Variants in RNLS observed in about 807,000 individuals in gnomAD.
RNLS encodes renalase, FAD dependent amine oxidase.
RNLS carries 39 observed loss-of-function variants against 39.8 expected under a neutral mutation model. The ratio of observed to expected loss-of-function variants is 0.98; its 90% confidence interval spans 0.76 to 1.28. The LOEUF (loss-of-function observed/expected upper bound fraction) is 1.28, where lower values mean the gene tolerates loss of function less well. Among genes scored for constraint, RNLS ranks in the 50% most tolerant of loss-of-function variants. The pLI, the probability that RNLS is intolerant of heterozygous loss-of-function variation, is 0.00. For missense variants in RNLS, 410 were observed against 413.3 expected, an observed-to-expected ratio of 0.99 and a Z score of 0.07; for synonymous variants, 147 against 150.7, an observed-to-expected ratio of 0.98 and a Z score of 0.18.
the RNLS span, among the ~76,000 whole-genome samples, chr10:88,228,040 C>T: frequency 2.6e-5 from 4 of 152,096 alleles, no homozygotes; most frequent in African/African-American, 4.8e-5. Context: ...AGACTCACCT[C>T]GTGGCTTGTG....
At chr10:88,405,456 C>T (rs1163601930) in intron 4 of RNLS, among the ~76,000 whole-genome samples, 1 of 152,052 alleles carries the variant, frequency 6.6e-6, no homozygotes, top group East Asian at 1.9e-4. Flanking sequence ...TAATGTCCAT[C>T]TTTGTCTCTT....
At chr10:88,403,130 A>G (rs1283282547) in intron 4 of RNLS, among the ~76,000 whole-genome samples, 1 of 152,080 alleles carries the variant, frequency 6.6e-6, no homozygotes, top group African/African-American at 2.4e-5. Context: ...GGGCAAAAAT[A>G]ATCCCTGGTT....
At chr10:88,399,524 AAAGCAGACACAC>A (rs1852784851) in intron 4 of RNLS, among the ~76,000 whole-genome samples, 2 of 152,006 alleles carry the variant, frequency 1.3e-5, no homozygotes, top group South Asian at 4.1e-4. Flanking sequence ...TAAGTGAAAA[AAAGCAGACACAC>A]AAGTCCACAA....
chr10:88,311,450 G>C (rs1456485709), intron 6 of RNLS, among the ~76,000 whole-genome samples: 1 of 152,192 alleles, frequency 6.6e-6, no homozygotes, highest in African/African-American at 2.4e-5. Context: ...CTGCAAAAGG[G>C]AGGAACTGAG....
the RNLS span, among the ~76,000 whole-genome samples, chr10:88,258,214 G>A: frequency 6.6e-6 from 1 of 152,068 alleles, no homozygotes; most frequent in Non-Finnish European, 1.5e-5. Context: ...GGGCATAAAG[G>A]GTACTTTATA....
At chr10:88,271,591 G>A (rs953319428), downstream of RNLS, among the ~76,000 whole-genome samples, 1 of 152,214 alleles carries the variant, frequency 6.6e-6, no homozygotes, top group Non-Finnish European at 1.5e-5. Context: ...TCCCTGGTCT[G>A]CTCAGCACAG....
intron 4 of RNLS, among the ~76,000 whole-genome samples, chr10:88,444,068 C>T (rs925934889): frequency 1.3e-5 from 2 of 152,244 alleles, no homozygotes; most frequent in African/African-American, 2.4e-5. Flanking sequence ...GGGAGGCACC[C>T]CCCAGTAGGG....
chr10:88,546,921 G>A (rs565046658), intron 4 of RNLS, among the ~76,000 whole-genome samples: 3 of 149,716 alleles, frequency 2.0e-5, no homozygotes, highest in Admixed American at 1.3e-4. Context: ...AAAAAAAAAT[G>A]GTTAGACAGA....
intron 4 of RNLS, among the ~76,000 whole-genome samples, chr10:88,555,493 G>C (rs945778076): frequency 6.6e-6 from 1 of 151,964 alleles, no homozygotes; most frequent in Non-Finnish European, 1.5e-5. Flanking sequence ...TCTCTCTCTT[G>C]TTCCCTCTCT....
rs1166955396 is a variant in RNLS, at chr10:88,275,117, T to G, written c.877-85A>C. On this transcript the variant is annotated intron_variant, in intron 6 of 6. Coordinates refer to the RNLS transcript ENST00000371947. ...CCTTGTCTACACTAATAGTGGTTCT[T>G]TGCTTTCACGGAACATATATAGACC... The G allele has an allele frequency of 2.9e-6, 3 of 1,039,296 alleles. No homozygotes were observed. The East Asian group carries it at 7.4e-5, about 26-fold the overall frequency. The allele number at this position is 1,039,296 out of a possible 1,614,324, so 64.4% of individuals were successfully genotyped here. A position where few individuals can be genotyped will look rare whatever the true frequency, so the allele number is the denominator to read the frequency against.
At chr10:88,449,480 C>A (rs1842243177) in intron 4 of RNLS, among the ~76,000 whole-genome samples, 1 of 152,194 alleles carries the variant, frequency 6.6e-6, no homozygotes, top group Non-Finnish European at 1.5e-5. Context: ...ATAGCCTTCT[C>A]CTCTGAGTTA....
At chr10:88,203,993 A>G in the RNLS span, among the ~76,000 whole-genome samples, 1 of 152,226 alleles carries the variant, frequency 6.6e-6, no homozygotes, top group African/African-American at 2.4e-5. Flanking sequence ...TTCTCATTTA[A>G]TGTTCACCAC....
At chr10:88,542,843 C>A (rs984624309) in intron 4 of RNLS, among the ~76,000 whole-genome samples, 3 of 152,112 alleles carry the variant, frequency 2.0e-5, no homozygotes, top group Admixed American at 6.6e-5. Context: ...AGATAAGCAG[C>A]ATCTCCAACT....
intron 4 of RNLS, among the ~76,000 whole-genome samples, chr10:88,563,851 C>T (rs1386158424): frequency 6.6e-6 from 1 of 152,060 alleles, no homozygotes; most frequent in Non-Finnish European, 1.5e-5. Context: ...TGAACAAGTG[C>T]TATAATTTTT....
intron 4 of RNLS, among the ~76,000 whole-genome samples, chr10:88,378,336 C>CTGTT (rs1348054570): frequency 1.3e-5 from 2 of 152,182 alleles, no homozygotes; most frequent in Non-Finnish European, 2.9e-5. Flanking sequence ...TTTTGCCATC[C>CTGTT]TGTTTCTGGC....
chr10:88,276,362 T>C (rs1842815722), intron 6 of RNLS, among the ~76,000 whole-genome samples: 1 of 152,168 alleles, frequency 6.6e-6, no homozygotes. Context: ...TAGAAATAGG[T>C]TAAACATTTA....
intron 4 of RNLS, among the ~76,000 whole-genome samples, chr10:88,410,451 A>AT (rs1205833687): frequency 2.0e-5 from 3 of 152,144 alleles, no homozygotes; most frequent in African/African-American, 7.2e-5. Flanking sequence ...CTCTCTTGAC[A>AT]TTTTGTTACT....
intron 4 of RNLS, among the ~76,000 whole-genome samples, chr10:88,391,869 A>C (rs1852222366): frequency 1.3e-5 from 2 of 152,108 alleles, no homozygotes; most frequent in South Asian, 4.1e-4. Context: ...CTCTTTTCTC[A>C]TTCTCCCTCC....
At chr10:88,546,636 A>G (rs1223039143) in intron 4 of RNLS, among the ~76,000 whole-genome samples, 1 of 152,188 alleles carries the variant, frequency 6.6e-6, no homozygotes, top group Non-Finnish European at 1.5e-5. Flanking sequence ...GACAATGGTA[A>G]AATCTAGTCC....
Sources: gnomAD v4.1 joint callset for allele counts (sites outside exome capture counted in the v4.1 genomes callset) on GRCh38, gnomAD v4.1.1 for gene constraint, MANE v1.5 for transcripts, NCBI Gene and HGNC (gene_info 2026-07-23, HGNC 2026-07-21) for gene names.